LYPD6B: variants seen among roughly 807,000 people sequenced by gnomAD.
LYPD6B encodes the protein ly6/PLAUR domain-containing protein 6B.
A neutral mutation model predicts 22.8 loss-of-function variants in LYPD6B; 17 were observed. The observed-to-expected ratio is 0.75, with a 90% CI of 0.51 to 1.12. The LOEUF (loss-of-function observed/expected upper bound fraction) is 1.12, where lower values mean the gene tolerates loss of function less well. LYPD6B is among the 50% of genes most tolerant of loss of function. The probability of loss-of-function intolerance (pLI) is 0.00; values close to 1 mark genes in which losing one functional copy is unlikely to be tolerated. For missense variants in LYPD6B, 221 were observed against 258.3 expected (o/e 0.86, Z 0.99); for synonymous variants, 106 against 91.6 (o/e 1.16, Z -0.90).
In LYPD6B at chr2:149,160,779, T is replaced by G; in HGVS notation, c.21T>G (p.Ser7Arg). MLLITLSANLFTVPERS... is the reference protein window; with the variant it reads MLLITLRANLFTVPERS... ...TCTCTGGTAGGCTGATTACTCTGAG[T>G]GCAAACCTTTTCACTGTTCCAGAGA... Residue 7 changes from serine to arginine, a missense_variant, in exon 3 of 7, where the codon AGT becomes AGG. Transcript: ENST00000409642. 5.1e-6 allele frequency: 8 copies of G among 1,555,766 alleles called. No individual in the cohort carries two copies. The highest frequency in any genetic ancestry group is 7.0e-6 in the Non-Finnish European group (8 of 1,148,446).
At chr2:149,077,083 A>G (rs1293056651) in intron 1 of LYPD6B, among the ~76,000 whole-genome samples, 1 of 152,236 alleles carries the variant, frequency 6.6e-6, no homozygotes, top group Non-Finnish European at 1.5e-5. Flanking sequence ...GCCTCTGGCC[A>G]TAGCCGAACT....
At chr2:149,061,898 A>G (rs1684099702) in intron 1 of LYPD6B, among the ~76,000 whole-genome samples, 1 of 152,172 alleles carries the variant, frequency 6.6e-6, no homozygotes, top group Admixed American at 6.5e-5. Flanking sequence ...TATCTCTAAA[A>G]TTACACCTAA....
intron 2 of LYPD6B, among the ~76,000 whole-genome samples, chr2:149,133,955 A>C (rs1408731053): frequency 6.6e-6 from 1 of 152,200 alleles, no homozygotes; most frequent in Admixed American, 6.5e-5. Context: ...ACCAACAAGC[A>C]ATATATTTCT....
intron 1 of LYPD6B, among the ~76,000 whole-genome samples, chr2:149,075,663 C>G (rs976409577): frequency 6.6e-6 from 1 of 152,072 alleles, no homozygotes; most frequent in Admixed American, 6.6e-5. Context: ...CATAGTTTGA[C>G]TATGACCTGG....
At chr2:149,189,365 TATAC>T (rs1178625472) in intron 3 of LYPD6B, among the ~76,000 whole-genome samples, 4,357 of 93,206 alleles carry the variant, frequency 0.047, 287 homozygotes, top group Non-Finnish European at 0.072. Flanking sequence ...TATATATATA[TATAC>T]ACACACATAT....
At chr2:149,090,329 C>T (rs777977152) in intron 1 of LYPD6B, among the ~76,000 whole-genome samples, 2 of 152,136 alleles carry the variant, frequency 1.3e-5, no homozygotes, top group Non-Finnish European at 2.9e-5. Context: ...AAGAATGGTT[C>T]CGATATAATT....
chr2:149,167,773 G>A (rs114438199), intron 3 of LYPD6B, among the ~76,000 whole-genome samples: 2,017 of 152,186 alleles, frequency 0.013, 53 homozygotes, highest in African/African-American at 0.046. Context: ...TTTCTTGTTG[G>A]TTTTATGACC....
chr2:149,215,030 T>C lies in LYPD6B; in HGVS notation c.*320T>C, dbSNP rs187404874. On this transcript the variant is annotated 3_prime_UTR_variant, in exon 7 of 7. Coordinates refer to ENST00000409642, the MANE Select transcript of LYPD6B (RefSeq NM_177964.5). ...CTAGGCCTTTAGCTGAAAGGATTTC[T>C]TGACCTCCTTGACTGCCTCAGAGGC... The C allele has an allele frequency of 6.4e-5, 19 of 299,100 alleles. No individual in the cohort carries two copies. Among genetic ancestry groups the C allele is most frequent in the Non-Finnish European group, 1.1e-4 (18 of 158,124 alleles). 18.5% of individuals were successfully genotyped at this position (299,100 alleles called of 1,614,324 possible). A position where few individuals can be genotyped will look rare whatever the true frequency, so the allele number is the denominator to read the frequency against.
At chr2:149,192,371 A>G (rs1175256293) in intron 3 of LYPD6B, among the ~76,000 whole-genome samples, 1 of 150,890 alleles carries the variant, frequency 6.6e-6, no homozygotes, top group Non-Finnish European at 1.5e-5. Flanking sequence ...GGCTTCTAAT[A>G]CCAACTTATT....
chr2:149,157,794 G>T (rs562768896), intron 2 of LYPD6B, among the ~76,000 whole-genome samples: 14 of 152,276 alleles, frequency 9.2e-5, no homozygotes, highest in African/African-American at 3.1e-4. Context: ...CGGAAGCCTG[G>T]TTACCTTATT....
chr2:149,048,551 A>G (rs562506213), intron 1 of LYPD6B, among the ~76,000 whole-genome samples: 1 of 152,300 alleles, frequency 6.6e-6, no homozygotes, highest in African/African-American at 2.4e-5. Flanking sequence ...GTCAGTGTCC[A>G]GGTACATCTG....
chr2:149,186,997 C>T (rs1399310558), intron 3 of LYPD6B, among the ~76,000 whole-genome samples: 2 of 152,158 alleles, frequency 1.3e-5, no homozygotes, highest in Non-Finnish European at 2.9e-5. Context: ...CAGGACCCTC[C>T]ACCAGCAAAA....
intron 3 of LYPD6B, chr2:149,187,550 G>A (rs761114412): frequency 1.4e-5 from 21 of 1,450,338 alleles, no homozygotes; most frequent in Middle Eastern, 3.6e-4. Context: ...CTCAGGCAAC[G>A]TCAATGAACA....
intron 3 of LYPD6B, among the ~76,000 whole-genome samples, chr2:149,181,894 C>T (rs982648197): frequency 2.0e-5 from 3 of 152,106 alleles, no homozygotes; most frequent in Non-Finnish European, 4.4e-5. Flanking sequence ...CTTTCTTCTC[C>T]CTCCCATGGC....
intron 2 of LYPD6B, among the ~76,000 whole-genome samples, chr2:149,140,582 G>A (rs1688632455): frequency 6.6e-6 from 1 of 152,176 alleles, no homozygotes; most frequent in Admixed American, 6.5e-5. Context: ...GAGAGCCAAT[G>A]TCCCTCCCAC....
chr2:149,160,135 G>C (rs1451512036), intron 2 of LYPD6B, among the ~76,000 whole-genome samples: 1 of 152,082 alleles, frequency 6.6e-6, no homozygotes, highest in Non-Finnish European at 1.5e-5. Flanking sequence ...GCCTGGGCCA[G>C]AGTGAGATCC....
intron 3 of LYPD6B, among the ~76,000 whole-genome samples, chr2:149,197,731 T>G (rs1020774569): frequency 1.3e-5 from 2 of 152,200 alleles, no homozygotes; most frequent in Non-Finnish European, 2.9e-5. Flanking sequence ...CAAAGGGAAA[T>G]GCACAGCTGA....
intron 3 of LYPD6B, among the ~76,000 whole-genome samples, chr2:149,172,979 CATAT>C (rs35825610): frequency 0.01 from 1,488 of 148,028 alleles, 18 homozygotes; most frequent in African/African-American, 0.03. Context: ...TTTTAATAAG[CATAT>C]ATATATATAT....
intron 1 of LYPD6B, among the ~76,000 whole-genome samples, chr2:149,096,161 AAGAT>A (rs779603712): frequency 5.9e-4 from 90 of 152,174 alleles, no homozygotes; most frequent in African/African-American, 2.1e-3. Context: ...AAGAGAGACA[AAGAT>A]AGATAAAGAG....
Sources: gnomAD v4.1 joint callset for allele counts (sites outside exome capture counted in the v4.1 genomes callset) on GRCh38, gnomAD v4.1.1 for gene constraint, MANE v1.5 for transcripts, NCBI Gene and HGNC (gene_info 2026-07-23, HGNC 2026-07-21) for gene names.